Variants in KDM3B observed in about 807,000 individuals in gnomAD.
KDM3B encodes lysine demethylase 3B.
KDM3B carries 10 observed loss-of-function variants against 170.0 expected under a neutral mutation model. The ratio of observed to expected loss-of-function variants is 0.06; its 90% CI spans 0.04 to 0.10. KDM3B has a LOEUF of 0.10. Among genes scored for constraint, KDM3B ranks in the 10% least tolerant of loss-of-function variants. The pLI is 1.00. For synonymous variants in KDM3B, 831 were observed against 834.8 expected, an observed-to-expected ratio of 1.00 and a Z score of 0.08; for missense variants, 1,394 against 2,195.2, an observed-to-expected ratio of 0.64 and a Z score of 7.29.
At chr5:138,400,760 A>T (rs202025975) in intron 11 of KDM3B, among the ~76,000 whole-genome samples, 3 of 108,172 alleles carry the variant, frequency 2.8e-5, no homozygotes, top group Admixed American at 9.6e-5. Flanking sequence ...AATCAATTAA[A>T]GTAAATCTAC....
intron 6 of KDM3B, among the ~76,000 whole-genome samples, chr5:138,381,969 T>C (rs1395120104): frequency 6.6e-6 from 1 of 151,920 alleles, no homozygotes; most frequent in Non-Finnish European, 1.5e-5. Flanking sequence ...CCACTTTTTT[T>C]TTTTTTCCAT....
chr5:138,431,356 T>C, intron 22 of KDM3B, 69 bp from the exon 23 acceptor site: 3 of 1,318,010 alleles, frequency 2.3e-6, no homozygotes, highest in Non-Finnish European at 3.1e-6. Context: ...AACTATATCA[T>C]GGACATTTTC....
At chr5:138,379,833 T>C (rs1396054659) in intron 5 of KDM3B, 125 bp downstream of exon 5, 2 of 841,414 alleles carry the variant, frequency 2.4e-6, no homozygotes, top group Non-Finnish European at 3.6e-6. Context: ...TACTTAATAG[T>C]TGTATAACCC....
intron 4 of KDM3B, 103 bp from the exon 5 acceptor site, chr5:138,379,481 A>G: frequency 8.6e-7 from 1 of 1,163,210 alleles, no homozygotes; most frequent in South Asian, 1.7e-5. Context: ...GAGGACCAAA[A>G]GTGCCAAATA....
intron 11 of KDM3B, among the ~76,000 whole-genome samples, chr5:138,414,389 T>C (rs2126983278): frequency 6.6e-6 from 1 of 151,958 alleles, no homozygotes; most frequent in South Asian, 2.1e-4. Context: ...ATGGTCTCGA[T>C]CTCCTGACGT....
At chr5:138,423,178 T>G (rs1763315690) in intron 15 of KDM3B, among the ~76,000 whole-genome samples, 1 of 152,194 alleles carries the variant, frequency 6.6e-6, no homozygotes, top group Admixed American at 6.5e-5. Flanking sequence ...ACTCCTGACC[T>G]CAGGTAATCC....
chr5:138,359,298 A>G (rs1171442479), intron 1 of KDM3B, among the ~76,000 whole-genome samples: 3 of 151,556 alleles, frequency 2.0e-5, no homozygotes, highest in Non-Finnish European at 4.4e-5. Context: ...CGTAGTTGTG[A>G]TTACAGGCGT....
rs1185285588 is a variant in KDM3B at position 138,391,163 on chromosome 5, T to C, written c.1531T>C (p.Ser511Pro). 1.9e-6 allele frequency: 3 copies of C among 1,614,186 alleles called. No individual in the cohort carries two copies. The highest frequency in any genetic ancestry group is 2.2e-5 in the East Asian group (1 of 44,878). The change falls in exon 8 of 24, where the codon TCT becomes CCT. Residue 511 changes from serine (S) to proline (P), a missense_variant. By Grantham distance (74) the Ser-to-Pro change is moderately conservative (BLOSUM62 -1). Coordinates refer to ENST00000314358, the MANE Select transcript of KDM3B (RefSeq NM_016604.4). This position sits in a 1 kb window ranked among gnomAD's most constrained non-coding sequence, Gnocchi z 5.0. ...KPLGFSFGCS[S>P]AQEAQKDTDL... is the part of the protein sequence containing the mutation. ...TTTGGGCTTCTCTTTTGGCTGTAGC[T>C]CTGCACAAGAGGCACAGAAAGACAC... is the stretch of plus-strand genomic sequence containing the variant.
intron 3 of KDM3B, among the ~76,000 whole-genome samples, chr5:138,375,531 C>G (rs1324883472): frequency 6.6e-6 from 1 of 151,954 alleles, no homozygotes; most frequent in Non-Finnish European, 1.5e-5. Flanking sequence ...GCGCCTGCCA[C>G]AAAGCCCGGC....
intron 17 of KDM3B, 133 bp downstream of exon 17, chr5:138,425,715 TAAAAAC>T: frequency 1.2e-6 from 1 of 839,978 alleles, no homozygotes; most frequent in Non-Finnish European, 1.8e-6. Flanking sequence ...AATAAAAAAT[TAAAAAC>T]AGACAGCCGG....
At chr5:138,408,064 T>G (rs763725039) in intron 11 of KDM3B, among the ~76,000 whole-genome samples, 4 of 152,156 alleles carry the variant, frequency 2.6e-5, no homozygotes, top group Non-Finnish European at 5.9e-5. Flanking sequence ...AGATGGGAGC[T>G]TCATCTTCCC....
chr5:138,430,153 A>G, intron 21 of KDM3B, 96 bp from the exon 22 acceptor site: 1 of 1,437,720 alleles, frequency 7.0e-7, no homozygotes, highest in Non-Finnish European at 9.5e-7. Flanking sequence ...AAGTTTTGCC[A>G]TCCCCACCCC....
At chr5:138,373,636 C>T (rs890411974) in intron 2 of KDM3B, among the ~76,000 whole-genome samples, 7 of 152,044 alleles carry the variant, frequency 4.6e-5, no homozygotes, top group South Asian at 2.1e-4. Flanking sequence ...ACGCACAGCA[C>T]GGCACCCAGC....
intron 19 of KDM3B, among the ~76,000 whole-genome samples, chr5:138,427,591 A>G (rs1763429594): frequency 1.3e-5 from 2 of 152,196 alleles, no homozygotes; most frequent in East Asian, 1.9e-4. Context: ...TCTCGAGTAT[A>G]AGAGACTTGA....
intron 4 of KDM3B, among the ~76,000 whole-genome samples, chr5:138,379,059 A>G (rs1762065744): frequency 6.6e-6 from 1 of 152,132 alleles, no homozygotes; most frequent in Admixed American, 6.6e-5. Context: ...TGTTCAGCCT[A>G]TTATTAGTGC....
rs146229083 is a variant in KDM3B, at chr5:138,416,282, C to T, written c.3307+1043C>T. Among the ~76,000 whole-genome samples the T allele has an allele frequency of 6.0e-3, 915 of 151,988 alleles. 11 individuals carry two copies. Among genetic ancestry groups the T allele is most frequent in the Non-Finnish European group, 5.2e-3 (353 of 67,966 alleles). On this transcript the variant is annotated intron_variant, in intron 12 of 23. Transcript: ENST00000314358. ...TCTGCCAAACTACTGCCTATATTAT[C>T]CTCCACTTAAGAAAGCTTTGCCACA...
intron 11 of KDM3B, among the ~76,000 whole-genome samples, chr5:138,414,412 G>A (rs976290312): frequency 1.5e-4 from 23 of 151,972 alleles, no homozygotes; most frequent in Middle Eastern, 6.8e-3. Flanking sequence ...TGATCCGCCC[G>A]CCTCGGCCTC....
At chr5:138,354,273 C>T (rs1761399995) in intron 1 of KDM3B, among the ~76,000 whole-genome samples, 1 of 151,938 alleles carries the variant, frequency 6.6e-6, no homozygotes, top group Non-Finnish European at 1.5e-5. Flanking sequence ...ATTTATAAGG[C>T]CTCAGTGGGG....
intron 6 of KDM3B, chr5:138,381,810 C>G: frequency 4.2e-6 from 2 of 479,124 alleles, no homozygotes; most frequent in South Asian, 8.4e-5. Context: ...GACTATGTTC[C>G]CTAGTTCTTC....
Sources: gnomAD v4.1 joint callset for allele counts (sites outside exome capture counted in the v4.1 genomes callset) on GRCh38, gnomAD v4.1.1 for gene constraint, Gnocchi (gnomAD v3.1) non-coding constraint, MANE v1.5 for transcripts, NCBI Gene and HGNC (gene_info 2026-07-23, HGNC 2026-07-21) for gene names.